The following GRM1 variants were observed in gnomAD, a reference collection of about 807,000 sequenced individuals.
GRM1 encodes glutamate metabotropic receptor 1.
In GRM1, 33 loss-of-function variants were observed where a neutral mutation model predicts 90.9. That is an observed-to-expected ratio of 0.36 (90% CI 0.28 to 0.49). The LOEUF (loss-of-function observed/expected upper bound fraction) is 0.49. GRM1 is among the 20% of genes least tolerant of loss of function. The pLI, the probability that GRM1 is intolerant of heterozygous loss-of-function variation, is 0.99. For synonymous variants in GRM1, 700 were observed against 613.2 expected, an observed-to-expected ratio of 1.14 and a Z score of -2.09; for missense variants, 1,190 against 1,534.3, an observed-to-expected ratio of 0.78 and a Z score of 3.75.
intron 2 of GRM1, among the ~76,000 whole-genome samples, chr6:146,199,625 C>A (rs577679605): frequency 2.6e-5 from 4 of 152,270 alleles, no homozygotes; most frequent in Non-Finnish European, 5.9e-5. Context: ...TATTATCTGT[C>A]TGATGACTGC....
intron 1 of GRM1, among the ~76,000 whole-genome samples, chr6:146,145,092 G>A (rs1183499321): frequency 6.6e-6 from 1 of 152,138 alleles, no homozygotes; most frequent in African/African-American, 2.4e-5. Context: ...GTTGCTTTTG[G>A]CTGCTAATCC....
chr6:146,316,309 A>C (rs996334533), intron 3 of GRM1, among the ~76,000 whole-genome samples: 3 of 152,158 alleles, frequency 2.0e-5, no homozygotes, highest in Non-Finnish European at 4.4e-5. Flanking sequence ...AAATTTCTCC[A>C]CTGTTAAGGA....
intron 2 of GRM1, among the ~76,000 whole-genome samples, chr6:146,217,152 G>C (rs1307157766): frequency 2.6e-5 from 4 of 152,174 alleles, no homozygotes; most frequent in Non-Finnish European, 4.4e-5. Flanking sequence ...TATTTAAAGA[G>C]TGCAAATGAG....
chr6:146,221,837 A>G lies in GRM1; in HGVS notation c.950+62240A>G, dbSNP rs181336266. 1.1e-4 allele frequency among the ~76,000 whole-genome samples: 17 copies of G among 152,296 alleles called. No homozygotes were observed. In the East Asian group the frequency reaches 3.3e-3, roughly 29 times the overall value. ...GCCATAAACCATTTGTATACAAATG[A>G]GTGAGATGATGTTCTAATAAGATAT... On this transcript the variant is annotated intron_variant, in intron 2 of 7. Transcript: ENST00000282753.
chr6:146,365,699 C>T (rs1775657492), intron 5 of GRM1, among the ~76,000 whole-genome samples: 1 of 152,186 alleles, frequency 6.6e-6, no homozygotes, highest in Non-Finnish European at 1.5e-5. Context: ...CACTCTTTCA[C>T]CAGATAGCTA....
intron 7 of GRM1, among the ~76,000 whole-genome samples, chr6:146,412,891 T>TTTACTATATC (rs144997219): frequency 0.016 from 2,398 of 152,302 alleles, 83 homozygotes; most frequent in African/African-American, 0.055. Flanking sequence ...TTAAAATAGT[T>TTTACTATATC]TTACTATATC....
At chr6:146,197,954 TC>T (rs1464015670) in intron 2 of GRM1, among the ~76,000 whole-genome samples, 1 of 152,304 alleles carries the variant, frequency 6.6e-6, no homozygotes, top group East Asian at 1.9e-4. Flanking sequence ...ATTGTACACT[TC>T]AAAATTGTTA....
intron 1 of GRM1, among the ~76,000 whole-genome samples, chr6:146,099,311 T>C (rs1776972615): frequency 2.0e-5 from 3 of 152,114 alleles, no homozygotes; most frequent in Admixed American, 1.3e-4. Flanking sequence ...CACCTGAACC[T>C]GGGAGACAGA....
Position 146,300,124 on chromosome 6 carries a change from A to C in GRM1, c.951-4487A>C, listed in dbSNP as rs1273798618. On this transcript the variant is annotated intron_variant, in intron 2 of 7. Coordinates refer to ENST00000282753, the MANE Select transcript of GRM1 (RefSeq NM_001278064.2). ...CCTATTATATTGTAATCTCTGGAAT[A>C]TTTTAAAGAATTATAATTTTATTAT... 2.6e-5 allele frequency among the ~76,000 whole-genome samples: 4 copies of C among 152,304 alleles called. No individual in the cohort carries two copies. In the East Asian group the frequency reaches 7.7e-4, roughly 29 times the overall value.
At chr6:146,049,052 TA>T (rs11421228) in intron 1 of GRM1, among the ~76,000 whole-genome samples, 4 of 148,340 alleles carry the variant, frequency 2.7e-5, no homozygotes, top group East Asian at 2.0e-4. Context: ...CTGCATGTGC[TA>T]AAAAAAAAAC....
chr6:146,056,786 T>C (rs1775496535), intron 1 of GRM1, among the ~76,000 whole-genome samples: 1 of 152,174 alleles, frequency 6.6e-6, no homozygotes, highest in African/African-American at 2.4e-5. Flanking sequence ...ATCTGCCTAC[T>C]ATTGGCTTCT....
intron 1 of GRM1, among the ~76,000 whole-genome samples, chr6:146,142,181 G>C (rs1001704513): frequency 6.6e-6 from 1 of 152,168 alleles, no homozygotes; most frequent in African/African-American, 2.4e-5. Context: ...TGGTCGTCTT[G>C]GATAAGATTT....
intron 1 of GRM1, among the ~76,000 whole-genome samples, chr6:146,120,215 A>C (rs1315049882): frequency 1.3e-5 from 2 of 152,108 alleles, no homozygotes; most frequent in Non-Finnish European, 2.9e-5. Context: ...TGTGAATGGG[A>C]GTTCACTCAT....
At chr6:146,082,412 T>C (rs1468267662) in intron 1 of GRM1, among the ~76,000 whole-genome samples, 1 of 152,172 alleles carries the variant, frequency 6.6e-6, no homozygotes, top group Non-Finnish European at 1.5e-5. Flanking sequence ...TGCCTCAGCC[T>C]CCCAAAATGT....
intron 1 of GRM1, among the ~76,000 whole-genome samples, chr6:146,145,761 C>T (rs1467554957): frequency 6.6e-6 from 1 of 152,158 alleles, no homozygotes; most frequent in Non-Finnish European, 1.5e-5. Flanking sequence ...CTGCAGAGTA[C>T]TCACTAGGGC....
chr6:146,311,793 C>T (rs771685099), intron 3 of GRM1, among the ~76,000 whole-genome samples: 26 of 152,166 alleles, frequency 1.7e-4, no homozygotes, highest in South Asian at 6.2e-4. Context: ...CTTTTGGTTT[C>T]GTAGTTTTAC....
At chr6:146,030,513 T>G (rs534637412) in intron 1 of GRM1, among the ~76,000 whole-genome samples, 1 of 152,214 alleles carries the variant, frequency 6.6e-6, no homozygotes, top group Non-Finnish European at 1.5e-5. Flanking sequence ...CCCTCATATT[T>G]TGAGTTTGCG....
intron 2 of GRM1, among the ~76,000 whole-genome samples, chr6:146,271,654 T>C (rs1373176507): frequency 6.6e-6 from 1 of 152,206 alleles, no homozygotes; most frequent in African/African-American, 2.4e-5. Context: ...TTTTCTTAAA[T>C]GTAGGCAGTC....
intron 2 of GRM1, among the ~76,000 whole-genome samples, chr6:146,265,255 T>C (rs879543790): frequency 6.6e-6 from 1 of 152,182 alleles, no homozygotes; most frequent in Middle Eastern, 3.2e-3. Context: ...GTTATTGTGG[T>C]TTTAATTTGC....
Sources: gnomAD v4.1 joint callset for allele counts (sites outside exome capture counted in the v4.1 genomes callset) on GRCh38, gnomAD v4.1.1 for gene constraint, MANE v1.5 for transcripts, NCBI Gene and HGNC (gene_info 2026-07-23, HGNC 2026-07-21) for gene names.